The following TMEM171 variants were observed in gnomAD, a reference collection of about 807,000 sequenced individuals.
The protein encoded by TMEM171 is transmembrane protein 171.
A neutral mutation model predicts 19.1 loss-of-function variants in TMEM171; 16 were observed. The ratio of observed to expected loss-of-function variants is 0.84; its 90% CI spans 0.57 to 1.27. The LOEUF (loss-of-function observed/expected upper bound fraction) is 1.27, where lower values mean the gene tolerates loss of function less well. TMEM171 is among the 50% of genes most tolerant of loss of function. The pLI is 0.00. For missense variants in TMEM171, 429 were observed against 412.7 expected, an observed-to-expected ratio of 1.04 and a Z score of -0.34; for synonymous variants, 153 against 163.4, an observed-to-expected ratio of 0.94 and a Z score of 0.48.
At position 73,122,043 on chromosome 5, in the gene TMEM171, T is replaced by C. The variant is rs573002605; in HGVS notation, c.-68-1263T>C. ...GCTAGACAACTCTTTAACAACCACT[T>C]GGCATATTTAATATATTATACCCCT... On this transcript the variant is annotated intron_variant, in intron 1 of 3. Transcript: ENST00000454765. Among the ~76,000 whole-genome samples the C allele has an allele frequency of 1.9e-3, 296 of 152,342 alleles. 1 individual carries two copies. The highest frequency in any genetic ancestry group is 3.3e-3 in the Non-Finnish European group (225 of 68,024).
intron 2 of TMEM171, 53 bp downstream of exon 2, chr5:73,124,066 G>A (rs1265247462): frequency 1.4e-6 from 2 of 1,423,732 alleles, no homozygotes; most frequent in East Asian, 2.3e-5. Flanking sequence ...TTTGCAGCAG[G>A]GTTTCACCAG....
At chr5:73,129,463 G>T (rs1385733754) in intron 3 of TMEM171, among the ~76,000 whole-genome samples, 1 of 152,140 alleles carries the variant, frequency 6.6e-6, no homozygotes, top group Non-Finnish European at 1.5e-5. Flanking sequence ...AGTAGTCTTT[G>T]GTCCTTTTGT....
At chr5:73,122,860 A>G (rs1021170150) in intron 1 of TMEM171, among the ~76,000 whole-genome samples, 1 of 152,210 alleles carries the variant, frequency 6.6e-6, no homozygotes, top group East Asian at 1.9e-4. Flanking sequence ...TAAAACAGGA[A>G]ATGGAAAGTT....
chr5:73,130,612 G>C (rs1219865805), intron 3 of TMEM171, among the ~76,000 whole-genome samples: 2 of 152,116 alleles, frequency 1.3e-5, no homozygotes, highest in East Asian at 3.9e-4. Context: ...ATGAAGTTGT[G>C]TAGAGATTCT....
rs779811547 is a variant in TMEM171 at position 73,123,398 on chromosome 5, C to T, written c.25C>T (p.Pro9Ser). 20 of 1,613,430 alleles carry T rather than the reference C, an allele frequency of 1.2e-5. No homozygotes were observed. The South Asian group carries it at 2.1e-4, about 17-fold the overall frequency. MSPAAAAEPDGDQQDRHVS... is the reference protein window; with the variant it reads MSPAAAAESDGDQQDRHVS... Reference sequence around the variant, plus strand: ...CATGTCTCCTGCAGCTGCTGCTGAGCCAGATGGGGACCAGCAGGACAGACA... The same window carrying T: ...CATGTCTCCTGCAGCTGCTGCTGAGTCAGATGGGGACCAGCAGGACAGACA... The change falls in exon 2 of 4, where the codon CCA (proline) becomes TCA (serine). Residue 9 changes from proline to serine, a missense_variant. By Grantham distance (74) the Pro-to-Ser change is moderately conservative. Coordinates refer to ENST00000454765, the MANE Select transcript of TMEM171 (RefSeq NM_173490.8).
rs1283580985 is a variant in TMEM171, at chr5:73,131,782, T to C, written c.*52T>C. On this transcript the variant is annotated 3_prime_UTR_variant, in exon 4 of 4. Coordinates refer to ENST00000454765, the MANE Select transcript of TMEM171 (RefSeq NM_173490.8). ...TGCAATGGATCACTATTTTATTTAA[T>C]TTTTTTTAAATAAAAAATACAATAG... 11 of 1,421,572 alleles carry C rather than the reference T, an allele frequency of 7.7e-6. No individual in the cohort carries two copies. Among genetic ancestry groups the C allele is most frequent in the African/African-American group, 2.9e-5 (2 of 68,516 alleles). The allele number at this position is 1,421,572 out of a possible 1,614,324, so 88.1% of individuals were successfully genotyped here.
Position 73,130,726 on chromosome 5 carries a change from G to A in TMEM171, c.783-812G>A, listed in dbSNP as rs549588283. 3.4e-4 allele frequency among the ~76,000 whole-genome samples: 52 copies of A among 152,278 alleles called. No individual in the cohort carries two copies. In the South Asian group the frequency reaches 9.8e-3, roughly 29 times the overall value. On this transcript the variant is annotated intron_variant, in intron 3 of 3. Coordinates refer to ENST00000454765, the MANE Select transcript of TMEM171 (RefSeq NM_173490.8). ...AGCTTCATATGGGGTCGTGATGGGG[G>A]GATCCAGGGAGGTGCATGTGGGAAC... is the stretch of plus-strand genomic sequence containing the variant.
intron 1 of TMEM171, among the ~76,000 whole-genome samples, chr5:73,122,831 ATGGAAAGCTGC>A (rs994543353): frequency 1.2e-4 from 18 of 152,222 alleles, no homozygotes; most frequent in Non-Finnish European, 2.1e-4. Context: ...AAAACATGAA[ATGGAAAGCTGC>A]TGTAGTCTAA....
At chr5:73,127,771 T>C (rs1320322517) in intron 2 of TMEM171, among the ~76,000 whole-genome samples, 2 of 131,044 alleles carry the variant, frequency 1.5e-5, no homozygotes, top group Non-Finnish European at 3.3e-5. Flanking sequence ...GACAGGGTCT[T>C]GCTCTGTCAC....
Position 73,120,637 on chromosome 5 carries a change from C to T in TMEM171, c.-128C>T, listed in dbSNP as rs1743977663. On this transcript the variant is annotated 5_prime_UTR_variant, in exon 1 of 4. It adds an upstream start codon to the 5' untranslated region. Transcript: ENST00000454765. ...AGCCGAGGCCGCGTGCGGAGGCGGA[C>T]GCCGCGCCCAGCCAGTGCCCACAGC... The T allele has an allele frequency of 1.0e-6, 1 of 984,784 alleles. No homozygotes were observed. 61.0% of individuals were successfully genotyped at this position (984,784 alleles called of 1,614,324 possible).
rs775581917 is a variant in TMEM171, at chr5:73,123,517, A to G, written c.144A>G (p.Gln48=). The part of the protein sequence containing the change: ...LLSIFGFQAC[Q]YKPLPDCPMV... The stretch of plus-strand genomic sequence containing the variant: ...CCATCTTTGGGTTCCAGGCATGCCA[A>G]TATAAGCCCCTCCCAGACTGCCCCA... The change falls in exon 2 of 4, where the codon CAA becomes CAG. Residue 48 remains glutamine (Q), a synonymous_variant. Coordinates refer to ENST00000454765, the MANE Select transcript of TMEM171 (RefSeq NM_173490.8). 5.6e-6 allele frequency: 9 copies of G among 1,614,146 alleles called. No homozygotes were observed. Among genetic ancestry groups the G allele is most frequent in the South Asian group, 3.3e-5 (3 of 91,080 alleles).
chr5:73,123,991 G>T lies in TMEM171; in HGVS notation c.618G>T (p.Met206Ile), dbSNP rs1361598033. 6.3e-7 allele frequency: 1 copy of T among 1,577,878 alleles called. No homozygotes were observed. The highest frequency in any genetic ancestry group is 1.2e-5 in the South Asian group (1 of 84,350). Residue 206 changes from methionine to isoleucine, a missense_variant, in exon 2 of 4, where the codon ATG (methionine) becomes ATT (isoleucine). Coordinates refer to ENST00000454765, the MANE Select transcript of TMEM171 (RefSeq NM_173490.8). ...GAGAAGAGGGACAGATCCAGATTATGGAGCCTGTCCAGGTCACTGTAGGTG... is the reference window on the plus strand; with the variant it reads ...GAGAAGAGGGACAGATCCAGATTATTGAGCCTGTCCAGGTCACTGTAGGTG... ...SEREEGQIQI[M>I]EPVQVTVGDS...
chr5:73,121,852 G>A (rs913989314), intron 1 of TMEM171, among the ~76,000 whole-genome samples: 12 of 152,214 alleles, frequency 7.9e-5, no homozygotes, highest in Admixed American at 2.0e-4. Context: ...GGATGTGAGC[G>A]GCACAAAATA....
chr5:73,131,577 C>G lies in TMEM171; in HGVS notation c.822C>G (p.Asp274Glu), dbSNP rs61746311. Residue 274 changes from aspartate to glutamate, a missense_variant, in exon 4 of 4, where the codon GAC becomes GAG. By Grantham distance (45) the Asp-to-Glu change is conservative. Coordinates refer to ENST00000454765, the MANE Select transcript of TMEM171 (RefSeq NM_173490.8). ...CAGAGGGTGCAGCCTCTGAAAGAGACTGTGAATCTATATATACCATTTCTG... is the reference window on the plus strand; with the variant it reads ...CAGAGGGTGCAGCCTCTGAAAGAGAGTGTGAATCTATATATACCATTTCTG... ...PTSEGAASERDCESIYTISGT... is the reference protein window; with the variant it reads ...PTSEGAASERECESIYTISGT... 116,503 of 1,611,340 alleles carry G rather than the reference C, an allele frequency of 0.072. 4,705 individuals carry two copies. The highest frequency in any genetic ancestry group is 0.13 in the Middle Eastern group (771 of 6,056).
Position 73,127,854 on chromosome 5 carries a change from T to A in TMEM171, c.641-536T>A, listed in dbSNP as rs556226227. Among the ~76,000 whole-genome samples the A allele has an allele frequency of 2.0e-5, 3 of 151,440 alleles. No homozygotes were observed. The South Asian group carries it at 6.3e-4, about 32-fold the overall frequency. ...CTCCTGGGCTCAAGCAGTCCTCCTA[T>A]CTCAGCCTTCCGAGTAGCTGGGACT... On this transcript the variant is annotated intron_variant, in intron 2 of 3. Coordinates refer to ENST00000454765, the MANE Select transcript of TMEM171 (RefSeq NM_173490.8).
intron 2 of TMEM171, among the ~76,000 whole-genome samples, chr5:73,125,368 A>G (rs1270008092): frequency 6.6e-6 from 1 of 152,178 alleles, no homozygotes; most frequent in Non-Finnish European, 1.5e-5. Context: ...AGATAACGTT[A>G]GTACCTCCAT....
Position 73,123,344 on chromosome 5 carries a change from C to A in TMEM171, c.-30C>A, listed in dbSNP as rs1580233080. 2 of 1,578,720 alleles carry A rather than the reference C, an allele frequency of 1.3e-6. No homozygotes were observed. The highest frequency in any genetic ancestry group is 1.7e-6 in the Non-Finnish European group (2 of 1,159,150). On this transcript the variant is annotated 5_prime_UTR_variant, in exon 2 of 4. Coordinates refer to ENST00000454765, the MANE Select transcript of TMEM171 (RefSeq NM_173490.8). ...TTGGAGGGAAGAAAACACATCCCAC[C>A]CTGCCTCCGGGAAGGGGCCTCTCCT...
chr5:73,127,384 A>AAAAATATATATAT, intron 2 of TMEM171, among the ~76,000 whole-genome samples: 35 of 81,682 alleles, frequency 4.3e-4, no homozygotes, highest in Middle Eastern at 5.4e-3. Context: ...AAAAAAAAAA[A>AAAAATATATATAT]ATATATATAT....
rs1473205105 is a variant in TMEM171, at chr5:73,123,363, C to A, written c.-11C>A. The A allele has an allele frequency of 1.9e-6, 3 of 1,596,486 alleles. No individual in the cohort carries two copies. The highest frequency in any genetic ancestry group is 2.6e-6 in the Non-Finnish European group (3 of 1,167,444). On this transcript the variant is annotated 5_prime_UTR_variant, in exon 2 of 4. Transcript: ENST00000454765. ...TCCCACCCTGCCTCCGGGAAGGGGC[C>A]TCTCCTGGACATGTCTCCTGCAGCT...
Sources: allele counts gnomAD v4.1 joint callset (sites outside exome capture counted in the v4.1 genomes callset), GRCh38; gene constraint gnomAD v4.1.1; transcripts MANE v1.5; gene names NCBI Gene and HGNC (gene_info 2026-07-23, HGNC 2026-07-21).